Variants in GNA14 observed in about 807,000 individuals in gnomAD.
GNA14 encodes the protein guanine nucleotide-binding protein subunit alpha-14.
GNA14 carries 50 observed loss-of-function variants against 42.0 expected under a neutral mutation model. The observed-to-expected ratio is 1.19, with a 90% CI of 0.95 to 1.51. The LOEUF is 1.51. Ranked by LOEUF, GNA14 falls within the 40% of genes most tolerant of loss-of-function variation. The pLI is 0.00. For synonymous variants in GNA14, 173 were observed against 163.1 expected (o/e 1.06, Z -0.46); for missense variants, 473 against 446.2 (o/e 1.06, Z -0.54).
chr9:77,517,109 C>T (rs76030609), intron 2 of GNA14, among the ~76,000 whole-genome samples: 2,391 of 152,224 alleles, frequency 0.016, 70 homozygotes, highest in African/African-American at 0.054. Context: ...ACCCTCTCAT[C>T]GCCAAATTTA....
chr9:77,480,880 G>A (rs1335084478), intron 2 of GNA14, among the ~76,000 whole-genome samples: 1 of 152,142 alleles, frequency 6.6e-6, no homozygotes, highest in East Asian at 1.9e-4. Context: ...ATTTCTGTGG[G>A]ATCAGTGGTG....
chr9:77,452,315 G>A (rs1392542405), intron 2 of GNA14, among the ~76,000 whole-genome samples: 1 of 152,146 alleles, frequency 6.6e-6, no homozygotes, highest in African/African-American at 2.4e-5. Context: ...TAGTCTCTCT[G>A]CCGCCTAACT....
chr9:77,533,014 C>A (rs62573383), intron 1 of GNA14, among the ~76,000 whole-genome samples: 1,748 of 152,202 alleles, frequency 0.011, 22 homozygotes, highest in South Asian at 0.033. Context: ...TGGACCCAAT[C>A]CAAAAAGTCA....
intron 1 of GNA14, among the ~76,000 whole-genome samples, chr9:77,586,219 G>A (rs544143212): frequency 7.2e-5 from 11 of 152,228 alleles, no homozygotes; most frequent in Non-Finnish European, 1.6e-4. Flanking sequence ...GCTTAAAAGA[G>A]CACCAATTAG....
chr9:77,646,722 TATC>T (rs2118049473), intron 1 of GNA14, among the ~76,000 whole-genome samples: 2 of 152,310 alleles, frequency 1.3e-5, no homozygotes, highest in South Asian at 4.1e-4. Flanking sequence ...TGACAGCTGA[TATC>T]ATGGTCTGAA....
At chr9:77,506,932 CTT>C (rs1026790938) in intron 2 of GNA14, among the ~76,000 whole-genome samples, 16 of 152,314 alleles carry the variant, frequency 1.1e-4, no homozygotes, top group African/African-American at 3.8e-4. Context: ...CTCTTAATCA[CTT>C]ATCCTCACAT....
chr9:77,493,026 A>AAAAATATATATATATAT (rs1554691641), intron 2 of GNA14, among the ~76,000 whole-genome samples: 22 of 51,636 alleles, frequency 4.3e-4, no homozygotes, highest in Admixed American at 7.6e-4. Context: ...AAAAAAAAAA[A>AAAAATATATATATATAT]ATATATATAT....
At chr9:77,587,355 T>A (rs1823322422) in intron 1 of GNA14, among the ~76,000 whole-genome samples, 1 of 152,198 alleles carries the variant, frequency 6.6e-6, no homozygotes, top group Admixed American at 6.5e-5. Context: ...TACTCACATG[T>A]TCATAGCAGC....
At chr9:77,611,906 G>A (rs914368265) in intron 1 of GNA14, among the ~76,000 whole-genome samples, 1 of 152,118 alleles carries the variant, frequency 6.6e-6, no homozygotes, top group Non-Finnish European at 1.5e-5. Context: ...GTGCTCTCAT[G>A]ATCTAGAAGT....
chr9:77,449,841 G>A (rs1023012393), intron 2 of GNA14, among the ~76,000 whole-genome samples: 7 of 152,174 alleles, frequency 4.6e-5, no homozygotes, highest in Admixed American at 1.3e-4. Flanking sequence ...ATGGCAAAAC[G>A]CCAGAGCATA....
chr9:77,530,115 G>A (rs993079352), intron 1 of GNA14, among the ~76,000 whole-genome samples: 2 of 152,140 alleles, frequency 1.3e-5, no homozygotes, highest in African/African-American at 2.4e-5. Context: ...TGCTGATACA[G>A]GTCAGACCTG....
intron 1 of GNA14, among the ~76,000 whole-genome samples, chr9:77,600,870 G>T (rs1823549092): frequency 6.6e-6 from 1 of 152,360 alleles, no homozygotes; most frequent in African/African-American, 2.4e-5. Context: ...AGTGCGCCAA[G>T]ATCGCGCCAT....
chr9:77,501,017 C>A, intron 2 of GNA14, among the ~76,000 whole-genome samples: 1 of 151,868 alleles, frequency 6.6e-6, no homozygotes, highest in East Asian at 1.9e-4. Flanking sequence ...TGCAGTGGCA[C>A]AATCTTGGCT....
intron 2 of GNA14, among the ~76,000 whole-genome samples, chr9:77,489,747 C>T (rs958532929): frequency 3.9e-5 from 6 of 151,940 alleles, no homozygotes; most frequent in Admixed American, 1.3e-4. Flanking sequence ...TCATTTCTCC[C>T]GGTGGGCTCG....
At chr9:77,611,629 C>T (rs949633510) in intron 1 of GNA14, among the ~76,000 whole-genome samples, 2 of 152,158 alleles carry the variant, frequency 1.3e-5, no homozygotes, top group African/African-American at 4.8e-5. Context: ...CAGACAATAG[C>T]TTTAAATCTC....
intron 2 of GNA14, among the ~76,000 whole-genome samples, chr9:77,494,138 GT>G (rs1836832531): frequency 6.6e-6 from 1 of 151,936 alleles, no homozygotes; most frequent in Non-Finnish European, 1.5e-5. Context: ...GCCCATGCTG[GT>G]CTCGAACTCC....
chr9:77,438,915 G>A (rs1587761255), intron 2 of GNA14, among the ~76,000 whole-genome samples: 1 of 152,282 alleles, frequency 6.6e-6, no homozygotes, highest in Non-Finnish European at 1.5e-5. Flanking sequence ...AATAGGCGTG[G>A]ACACAACATT....
intron 2 of GNA14, among the ~76,000 whole-genome samples, chr9:77,527,227 A>C (rs973009491): frequency 6.6e-6 from 1 of 152,200 alleles, no homozygotes; most frequent in African/African-American, 2.4e-5. Flanking sequence ...CAGAAAGCCT[A>C]ATTTTTAGAG....
At chr9:77,524,247 T>C (rs1837401411) in intron 2 of GNA14, among the ~76,000 whole-genome samples, 1 of 152,084 alleles carries the variant, frequency 6.6e-6, no homozygotes, top group Non-Finnish European at 1.5e-5. Flanking sequence ...TGAAAAAACA[T>C]GTTAGTTAAA....
Sources: allele counts gnomAD v4.1 joint callset (sites outside exome capture counted in the v4.1 genomes callset), GRCh38; gene constraint gnomAD v4.1.1; transcripts MANE v1.5; gene names NCBI Gene and HGNC (gene_info 2026-07-23, HGNC 2026-07-21).